Variants in DYM observed in about 807,000 individuals in gnomAD.
The protein encoded by DYM is dymeclin.
Under a neutral mutation model 93.1 loss-of-function variants are expected in DYM, and 78 were observed. That is an observed-to-expected ratio of 0.84 (90% CI 0.70 to 1.01). DYM has a LOEUF of 1.01. DYM is among the 50% of genes least tolerant of loss of function. The pLI is 0.00. For missense variants in DYM, 789 were observed against 845.0 expected, an observed-to-expected ratio of 0.93 and a Z score of 0.82; for synonymous variants, 321 against 319.7, an observed-to-expected ratio of 1.00 and a Z score of -0.04.
chr18:49,379,587 TC>T, intron 4 of DYM, 77 bp downstream of exon 4: 1 of 1,196,920 alleles, frequency 8.4e-7, no homozygotes, highest in South Asian at 1.2e-5. Flanking sequence ...AAGACCACAG[TC>T]CATTTCCATC....
At chr18:49,357,330 A>G (rs2065650903) in intron 6 of DYM, among the ~76,000 whole-genome samples, 1 of 152,240 alleles carries the variant, frequency 6.6e-6, no homozygotes, top group Non-Finnish European at 1.5e-5. Flanking sequence ...TGAATTAAAA[A>G]GAAATTATTA....
chr18:49,194,280 G>T (rs2091239520), intron 14 of DYM, among the ~76,000 whole-genome samples: 1 of 152,148 alleles, frequency 6.6e-6, no homozygotes, highest in Non-Finnish European at 1.5e-5. Context: ...AACTGCACGA[G>T]AAATTTTAAT....
At chr18:49,195,221 C>T (rs1376079023) in intron 14 of DYM, among the ~76,000 whole-genome samples, 2 of 152,094 alleles carry the variant, frequency 1.3e-5, no homozygotes, top group Non-Finnish European at 2.9e-5. Context: ...AGTTCACTGT[C>T]TACTCAAAGT....
chr18:49,254,325 T>TATATATATATATATATAC (rs1279388698), intron 13 of DYM, among the ~76,000 whole-genome samples: 16 of 138,598 alleles, frequency 1.2e-4, no homozygotes, highest in African/African-American at 3.1e-4. Flanking sequence ...TATATATATA[T>TATATATATATATATATAC]ACACACATAG....
chr18:49,356,318 C>T (rs958670393), intron 6 of DYM, among the ~76,000 whole-genome samples: 3 of 152,100 alleles, frequency 2.0e-5, no homozygotes, highest in African/African-American at 7.2e-5. Flanking sequence ...CTGAAGGCAC[C>T]AGACATCAAT....
intron 8 of DYM, among the ~76,000 whole-genome samples, chr18:49,288,302 A>C (rs2059796287): frequency 6.6e-6 from 1 of 152,224 alleles, no homozygotes; most frequent in South Asian, 2.1e-4. Context: ...TACAATCAAT[A>C]AATAATTAGA....
At chr18:49,309,365 TG>T (rs2061457493) in intron 8 of DYM, among the ~76,000 whole-genome samples, 1 of 152,220 alleles carries the variant, frequency 6.6e-6, no homozygotes, top group African/African-American at 2.4e-5. Context: ...CTGGATGCAG[TG>T]GCTCATGTCC....
At chr18:49,238,605 GCAA>G (rs1361181386) in intron 13 of DYM, among the ~76,000 whole-genome samples, 4 of 151,962 alleles carry the variant, frequency 2.6e-5, no homozygotes, top group Non-Finnish European at 5.9e-5. Flanking sequence ...AAAAAAATGA[GCAA>G]CAAAAAAGAT....
At chr18:49,185,994 C>T (rs2090397866) in intron 14 of DYM, among the ~76,000 whole-genome samples, 1 of 152,124 alleles carries the variant, frequency 6.6e-6, no homozygotes, top group Non-Finnish European at 1.5e-5. Context: ...ACTTTCAAAA[C>T]TCAGGATTTT....
chr18:49,080,379 C>CA (rs2077793607), intron 17 of DYM, among the ~76,000 whole-genome samples: 2 of 125,224 alleles, frequency 1.6e-5, no homozygotes, highest in African/African-American at 6.2e-5. Flanking sequence ...GCTGGCCGGG[C>CA]GAGGGGCTGA....
intron 17 of DYM, among the ~76,000 whole-genome samples, chr18:49,055,031 A>G (rs942957673): frequency 6.6e-6 from 1 of 152,122 alleles, no homozygotes; most frequent in African/African-American, 2.4e-5. Context: ...CAGAAAGGAG[A>G]GAAACTTAAT....
intron 8 of DYM, among the ~76,000 whole-genome samples, chr18:49,298,144 G>A (rs2060675623): frequency 6.8e-6 from 1 of 147,436 alleles, no homozygotes; most frequent in African/African-American, 2.4e-5. Flanking sequence ...CACAAAACAC[G>A]ATATTACTAA....
In DYM at chr18:49,434,569, A is replaced by G. The variant is rs1600224517; in HGVS notation, c.-53-4122T>C. 3.3e-5 allele frequency among the ~76,000 whole-genome samples: 5 copies of G among 152,140 alleles called. No individual in the cohort carries two copies. The South Asian group carries it at 1.0e-3, about 32-fold the overall frequency. ...AAGAAAGTGGCCACCCCTGTGGAAA[A>G]GGACTCTGGAGTGGGGAGGGTGGTA... On this transcript the variant is annotated intron_variant, in intron 1 of 17. Transcript: ENST00000675505.
intron 14 of DYM, among the ~76,000 whole-genome samples, chr18:49,192,508 A>G (rs2091073905): frequency 6.6e-6 from 1 of 152,084 alleles, no homozygotes; most frequent in South Asian, 2.1e-4. Flanking sequence ...CAATTTTCCA[A>G]ACACCATTTA....
chr18:49,310,238 A>T (rs1158468287), intron 8 of DYM, among the ~76,000 whole-genome samples: 1 of 152,242 alleles, frequency 6.6e-6, no homozygotes, highest in African/African-American at 2.4e-5. Context: ...CATTAATTAC[A>T]TGGGATTCAG....
intron 1 of DYM, among the ~76,000 whole-genome samples, chr18:49,435,335 G>C (rs2080744200): frequency 6.6e-6 from 1 of 150,680 alleles, no homozygotes; most frequent in Non-Finnish European, 1.5e-5. Context: ...AAACTGTGAA[G>C]TGGTGATGTT....
chr18:49,418,907 T>C (rs1414343189), intron 2 of DYM, among the ~76,000 whole-genome samples: 2 of 151,982 alleles, frequency 1.3e-5, no homozygotes, highest in African/African-American at 2.4e-5. Context: ...ACACCACAAA[T>C]GAAACCTCTA....
intron 16 of DYM, among the ~76,000 whole-genome samples, chr18:49,109,074 T>C (rs2081157211): frequency 6.6e-6 from 1 of 152,190 alleles, no homozygotes; most frequent in Non-Finnish European, 1.5e-5. Context: ...TATTTTATCC[T>C]TTTGCTTTTA....
chr18:49,377,463 G>A (rs1203514499), intron 5 of DYM, among the ~76,000 whole-genome samples: 1 of 152,166 alleles, frequency 6.6e-6, no homozygotes, highest in Non-Finnish European at 1.5e-5. Flanking sequence ...AGGAGGCTGA[G>A]ACAGGAGAAT....
Sources: allele counts gnomAD v4.1 joint callset (sites outside exome capture counted in the v4.1 genomes callset), GRCh38; gene constraint gnomAD v4.1.1; transcripts MANE v1.5; gene names NCBI Gene and HGNC (gene_info 2026-07-23, HGNC 2026-07-21).